PCSK2: variants seen among roughly 807,000 people sequenced by gnomAD.
PCSK2 encodes the protein neuroendocrine convertase 2.
In PCSK2, 14 loss-of-function variants were observed where a neutral mutation model predicts 69.7. The observed-to-expected ratio is 0.20, with a 90% confidence interval of 0.13 to 0.31. PCSK2 has a LOEUF of 0.31. Ranked by LOEUF, PCSK2 falls within the 10% of genes least tolerant of loss-of-function variation. PCSK2 has a pLI of 1.00. For missense variants in PCSK2, 544 were observed against 842.5 expected (o/e 0.65, Z 4.39); for synonymous variants, 307 against 320.7 (o/e 0.96, Z 0.46).
At chr20:17,271,898 C>G (rs1201364267) in intron 2 of PCSK2, among the ~76,000 whole-genome samples, 1 of 152,070 alleles carries the variant, frequency 6.6e-6, no homozygotes, top group Non-Finnish European at 1.5e-5. Flanking sequence ...TACAACACCC[C>G]AGGACAGGAT....
chr20:17,394,730 G>A (rs1352844739), intron 5 of PCSK2, among the ~76,000 whole-genome samples: 2 of 152,200 alleles, frequency 1.3e-5, no homozygotes, highest in Admixed American at 1.3e-4. Context: ...AAGGGATTGT[G>A]TGATTAATGT....
At chr20:17,377,583 A>G (rs1389830649) in intron 5 of PCSK2, among the ~76,000 whole-genome samples, 1 of 152,270 alleles carries the variant, frequency 6.6e-6, no homozygotes, top group Non-Finnish European at 1.5e-5. Flanking sequence ...TATTTAAATA[A>G]GCACATTAAT....
At chr20:17,451,502 C>T (rs2032821730) in intron 8 of PCSK2, among the ~76,000 whole-genome samples, 1 of 152,122 alleles carries the variant, frequency 6.6e-6, no homozygotes, top group African/African-American at 2.4e-5. Context: ...CTAACCTAGG[C>T]TTATCTTCAT....
At chr20:17,435,370 A>T (rs1353302601) in intron 7 of PCSK2, among the ~76,000 whole-genome samples, 1 of 152,246 alleles carries the variant, frequency 6.6e-6, no homozygotes, top group African/African-American at 2.4e-5. Context: ...CACGCAAATA[A>T]GTAGTTGCGA....
At chr20:17,406,263 C>A (rs1568636016) in intron 5 of PCSK2, among the ~76,000 whole-genome samples, 1 of 152,192 alleles carries the variant, frequency 6.6e-6, no homozygotes, top group East Asian at 1.9e-4. Flanking sequence ...GCTGTACAAG[C>A]ATAAACAGAA....
intron 2 of PCSK2, among the ~76,000 whole-genome samples, chr20:17,293,533 T>G (rs1303980087): frequency 6.6e-6 from 1 of 152,222 alleles, no homozygotes; most frequent in Non-Finnish European, 1.5e-5. Flanking sequence ...CATGGAAATT[T>G]TATCAACTAT....
chr20:17,287,044 TC>T (rs1568585736), intron 2 of PCSK2, among the ~76,000 whole-genome samples: 2 of 152,192 alleles, frequency 1.3e-5, no homozygotes, highest in African/African-American at 4.8e-5. Flanking sequence ...AATTCCCTCT[TC>T]CTTAAGCGGA....
At chr20:17,397,445 T>C (rs1374325429) in intron 5 of PCSK2, among the ~76,000 whole-genome samples, 1 of 151,898 alleles carries the variant, frequency 6.6e-6, no homozygotes, top group Non-Finnish European at 1.5e-5. Flanking sequence ...AATCAATCCC[T>C]CCAGCAGCCC....
intron 2 of PCSK2, among the ~76,000 whole-genome samples, chr20:17,352,095 G>A (rs572503228): frequency 2.0e-5 from 3 of 152,140 alleles, no homozygotes; most frequent in East Asian, 1.9e-4. Flanking sequence ...ACAATCCCAC[G>A]TATAATAGCT....
intron 2 of PCSK2, among the ~76,000 whole-genome samples, chr20:17,348,791 T>C (rs1038690770): frequency 2.0e-5 from 3 of 152,194 alleles, no homozygotes. Flanking sequence ...TGACACCAGT[T>C]ATATTGGATG....
intron 6 of PCSK2, among the ~76,000 whole-genome samples, chr20:17,424,595 C>T (rs892366699): frequency 9.9e-5 from 15 of 152,002 alleles, no homozygotes; most frequent in Admixed American, 5.2e-4. Flanking sequence ...CTGGTTCATG[C>T]GATTCTCCTG....
At chr20:17,447,798 T>G (rs2032730188) in intron 8 of PCSK2, among the ~76,000 whole-genome samples, 1 of 152,124 alleles carries the variant, frequency 6.6e-6, no homozygotes. Flanking sequence ...TAATAAAAAA[T>G]TATGGTGTAG....
At chr20:17,233,268 AAAAT>A (rs1455288056) in intron 1 of PCSK2, among the ~76,000 whole-genome samples, 3 of 152,228 alleles carry the variant, frequency 2.0e-5, no homozygotes, top group African/African-American at 7.2e-5. Flanking sequence ...GTGGCTGTGA[AAAAT>A]AAATAATGTA....
intron 2 of PCSK2, among the ~76,000 whole-genome samples, chr20:17,271,817 C>T (rs1440148916): frequency 6.6e-6 from 1 of 152,118 alleles, no homozygotes; most frequent in Admixed American, 6.6e-5. Context: ...TCTTAACACA[C>T]TGTCCAATCT....
At chr20:17,405,475 A>C (rs2031731822) in intron 5 of PCSK2, among the ~76,000 whole-genome samples, 1 of 152,186 alleles carries the variant, frequency 6.6e-6, no homozygotes, top group Non-Finnish European at 1.5e-5. Context: ...CACCTCTCTC[A>C]TCACCAGCCA....
At chr20:17,462,734 G>A (rs974142700) in intron 10 of PCSK2, among the ~76,000 whole-genome samples, 17 of 152,290 alleles carry the variant, frequency 1.1e-4, no homozygotes, top group African/African-American at 4.1e-4. Context: ...TCATATATCT[G>A]CATCTTATTT....
At chr20:17,450,428 T>A (rs916723512) in intron 8 of PCSK2, among the ~76,000 whole-genome samples, 1 of 152,180 alleles carries the variant, frequency 6.6e-6, no homozygotes, top group Admixed American at 6.5e-5. Flanking sequence ...ACTTAACAAG[T>A]CCCTGGCATG....
At chr20:17,395,314 GAC>G (rs2031486463) in intron 5 of PCSK2, among the ~76,000 whole-genome samples, 1 of 152,220 alleles carries the variant, frequency 6.6e-6, no homozygotes, top group African/African-American at 2.4e-5. Flanking sequence ...CACCTTTCAT[GAC>G]GGTAGTCCTG....
At chr20:17,295,971 G>C (rs1171750127) in intron 2 of PCSK2, among the ~76,000 whole-genome samples, 1 of 152,320 alleles carries the variant, frequency 6.6e-6, no homozygotes, top group Middle Eastern at 3.4e-3. Context: ...TGTGTGAGGG[G>C]TGGCACAGAC....
Sources: gnomAD v4.1 joint callset for allele counts (sites outside exome capture counted in the v4.1 genomes callset) on GRCh38, gnomAD v4.1.1 for gene constraint, MANE v1.5 for transcripts, NCBI Gene and HGNC (gene_info 2026-07-23, HGNC 2026-07-21) for gene names.